Variants in R3HDM1 observed in about 807,000 individuals in gnomAD.
The protein encoded by R3HDM1 is R3H domain containing 1.
In R3HDM1, 46 loss-of-function variants were observed where a neutral mutation model predicts 141.1. That is an observed-to-expected ratio of 0.33 (90% CI 0.26 to 0.42). R3HDM1 has a LOEUF of 0.42. R3HDM1 is among the 10% of genes least tolerant of loss of function. The pLI is 1.00. For missense variants in R3HDM1, 1,184 were observed against 1,368.3 expected (o/e 0.87, Z 2.12); for synonymous variants, 435 against 472.9 (o/e 0.92, Z 1.04).
intron 19 of R3HDM1, among the ~76,000 whole-genome samples, chr2:135,664,535 G>A (rs1487964043): frequency 6.6e-6 from 1 of 152,158 alleles, no homozygotes; most frequent in Non-Finnish European, 1.5e-5. Context: ...TTTTAGACCA[G>A]ATAGGGTATG....
At chr2:135,588,860 C>A (rs1480646073) in intron 1 of R3HDM1, among the ~76,000 whole-genome samples, 1 of 152,008 alleles carries the variant, frequency 6.6e-6, no homozygotes, top group African/African-American at 2.4e-5. Flanking sequence ...CTTTTTTATA[C>A]CATCTGTATT....
intron 9 of R3HDM1, among the ~76,000 whole-genome samples, chr2:135,633,530 A>G (rs2062933362): frequency 6.6e-6 from 1 of 152,260 alleles, no homozygotes; most frequent in East Asian, 1.9e-4. Flanking sequence ...ATACTTAAAG[A>G]AGTATGGGTC....
At chr2:135,632,961 T>C (rs1196994802) in intron 9 of R3HDM1, among the ~76,000 whole-genome samples, 2 of 152,218 alleles carry the variant, frequency 1.3e-5, no homozygotes, top group African/African-American at 4.8e-5. Context: ...TTTGTCCTTA[T>C]AGCTGCCATA....
chr2:135,534,223 A>G (rs1187165820), intron 1 of R3HDM1, among the ~76,000 whole-genome samples: 1 of 152,240 alleles, frequency 6.6e-6, no homozygotes, highest in Non-Finnish European at 1.5e-5. Context: ...GTGGTTAACT[A>G]TTGTAATATC....
intron 1 of R3HDM1, among the ~76,000 whole-genome samples, chr2:135,576,304 G>A (rs1409679180): frequency 6.6e-6 from 1 of 151,932 alleles, no homozygotes; most frequent in East Asian, 1.9e-4. Flanking sequence ...GGACATCCAA[G>A]ACAGCAGTGT....
chr2:135,672,816 A>G (rs2068601624), intron 19 of R3HDM1, among the ~76,000 whole-genome samples: 1 of 152,064 alleles, frequency 6.6e-6, no homozygotes, highest in Non-Finnish European at 1.5e-5. Flanking sequence ...TTAAAGAATA[A>G]GATACCAGGC....
intron 1 of R3HDM1, among the ~76,000 whole-genome samples, chr2:135,582,199 G>T (rs926291222): frequency 2.6e-5 from 4 of 152,014 alleles, no homozygotes. Flanking sequence ...GCATGGTGGC[G>T]CACACCTGTA....
At chr2:135,606,859 A>G (rs917893512) in intron 3 of R3HDM1, among the ~76,000 whole-genome samples, 4 of 151,178 alleles carry the variant, frequency 2.6e-5, no homozygotes, top group East Asian at 1.9e-4. Flanking sequence ...CTATCATTCT[A>G]TATGCTAAAG....
intron 1 of R3HDM1, among the ~76,000 whole-genome samples, chr2:135,579,601 G>GTT (rs1435632729): frequency 7.2e-6 from 1 of 139,216 alleles, no homozygotes; most frequent in African/African-American, 3.3e-5. Flanking sequence ...GTGGCGGGGG[G>GTT]GGGTGGAAAT....
chr2:135,590,490 A>G (rs1709012922), intron 1 of R3HDM1: 4 of 927,412 alleles, frequency 4.3e-6, no homozygotes, highest in South Asian at 1.0e-4. Flanking sequence ...AATAACTACT[A>G]AAACAATTTG....
intron 1 of R3HDM1, among the ~76,000 whole-genome samples, chr2:135,541,692 C>G (rs1302470494): frequency 6.6e-6 from 1 of 152,034 alleles, no homozygotes; most frequent in Non-Finnish European, 1.5e-5. Flanking sequence ...GTAAAGATCA[C>G]TGATTGCAGA....
At chr2:135,572,202 A>G (rs990140229) in intron 1 of R3HDM1, among the ~76,000 whole-genome samples, 8 of 151,714 alleles carry the variant, frequency 5.3e-5, no homozygotes, top group African/African-American at 9.7e-5. Flanking sequence ...AAGTGACCCA[A>G]CCTTGGCCTC....
At chr2:135,720,406 G>T (rs141532008) in intron 24 of R3HDM1, among the ~76,000 whole-genome samples, 1 of 152,174 alleles carries the variant, frequency 6.6e-6, no homozygotes, top group South Asian at 2.1e-4. Context: ...TGCTTTCCTA[G>T]CACCTACTGA....
chr2:135,569,182 T>G (rs1386754108), intron 1 of R3HDM1, among the ~76,000 whole-genome samples: 1 of 152,112 alleles, frequency 6.6e-6, no homozygotes, highest in African/African-American at 2.4e-5. Flanking sequence ...TGTAGAAGAT[T>G]TTTTTTAATT....
At chr2:135,546,367 C>T (rs1698692173) in intron 1 of R3HDM1, among the ~76,000 whole-genome samples, 1 of 152,002 alleles carries the variant, frequency 6.6e-6, no homozygotes, top group African/African-American at 2.4e-5. Flanking sequence ...TCCTCTCCAC[C>T]CTGAAGAGAA....
intron 9 of R3HDM1, 103 bp from the exon 10 acceptor site, chr2:135,635,787 G>C: frequency 7.1e-7 from 1 of 1,403,730 alleles, no homozygotes; most frequent in East Asian, 2.4e-5. Context: ...CTAAAAAGTG[G>C]TAACTTATTT....
At chr2:135,666,686 T>C (rs1191015414) in intron 19 of R3HDM1, among the ~76,000 whole-genome samples, 1 of 152,150 alleles carries the variant, frequency 6.6e-6, no homozygotes, top group Non-Finnish European at 1.5e-5. Context: ...ATATGTTTAT[T>C]TCAGGCACAG....
chr2:135,548,129 A>G (rs1699123141), intron 1 of R3HDM1, among the ~76,000 whole-genome samples: 1 of 152,170 alleles, frequency 6.6e-6, no homozygotes, highest in Admixed American at 6.5e-5. Flanking sequence ...GTACAGAATC[A>G]TATTCCTTTT....
At chr2:135,701,149 CAG>C (rs998210313) in intron 21 of R3HDM1, among the ~76,000 whole-genome samples, 3 of 141,742 alleles carry the variant, frequency 2.1e-5, no homozygotes, top group Non-Finnish European at 3.0e-5. Context: ...CTTTGGGACA[CAG>C]AGATGGGAGA....
Sources: allele counts gnomAD v4.1 joint callset (sites outside exome capture counted in the v4.1 genomes callset), GRCh38; gene constraint gnomAD v4.1.1; transcripts MANE v1.5; gene names NCBI Gene and HGNC (gene_info 2026-07-23, HGNC 2026-07-21).